Variants in REC114 observed in about 807,000 individuals in gnomAD.
REC114 encodes the protein REC114 meiotic recombination protein.
REC114 carries 27 observed loss-of-function variants against 31.3 expected under a neutral mutation model. The observed-to-expected ratio is 0.86, with a 90% CI of 0.64 to 1.19. The LOEUF (loss-of-function observed/expected upper bound fraction) is 1.19. Ranked by LOEUF, REC114 falls within the 50% of genes most tolerant of loss-of-function variation. The pLI is 0.00. For synonymous variants in REC114, 134 were observed against 127.7 expected (o/e 1.05, Z -0.33); for missense variants, 344 against 326.9 (o/e 1.05, Z -0.40).
intron 2 of REC114, among the ~76,000 whole-genome samples, chr15:73,475,043 C>A (rs754207307): frequency 1.3e-4 from 20 of 152,152 alleles, no homozygotes; most frequent in Non-Finnish European, 2.9e-4. Flanking sequence ...ATGAGTGTTG[C>A]AAATGGTAGA....
Position 73,501,827 on chromosome 15 carries a change from C to G in REC114, c.249+27906C>G, listed in dbSNP as rs556142606. Among the ~76,000 whole-genome samples the G allele has an allele frequency of 3.4e-4, 52 of 152,282 alleles. No individual in the cohort carries two copies. In the South Asian group the frequency reaches 0.011, roughly 31 times the overall value. ...ATGTTTGGTTCTTGAGAATAAATGT[C>G]TCATCAAATAATCAGAACAGATACA... is the stretch of plus-strand genomic sequence containing the variant. On this transcript the variant is annotated intron_variant, in intron 2 of 5. Transcript: ENST00000331090.
At chr15:73,514,288 C>T (rs1461179268) in intron 2 of REC114, among the ~76,000 whole-genome samples, 3 of 151,904 alleles carry the variant, frequency 2.0e-5, no homozygotes, top group Admixed American at 6.5e-5. Context: ...GGCAATGCCG[C>T]GCCCTGCTTC....
intron 1 of REC114, among the ~76,000 whole-genome samples, chr15:73,471,776 GCAAA>G (rs769314236): frequency 7.5e-4 from 114 of 151,964 alleles, no homozygotes; most frequent in East Asian, 1.7e-3. Flanking sequence ...ATACCCATCA[GCAAA>G]CAAACAAACA....
chr15:73,515,666 A>G (rs1361317488), intron 2 of REC114, among the ~76,000 whole-genome samples: 1 of 152,182 alleles, frequency 6.6e-6, no homozygotes, highest in African/African-American at 2.4e-5. Flanking sequence ...CTCTTGGTGC[A>G]TGCACTGAAG....
At chr15:73,474,725 G>A (rs1893186926) in intron 2 of REC114, among the ~76,000 whole-genome samples, 1 of 152,122 alleles carries the variant, frequency 6.6e-6, no homozygotes, top group South Asian at 2.1e-4. Context: ...TTCATTATGG[G>A]ATATCATCAT....
At chr15:73,524,805 G>C (rs1385342005) in intron 2 of REC114, among the ~76,000 whole-genome samples, 2 of 152,098 alleles carry the variant, frequency 1.3e-5, no homozygotes, top group Non-Finnish European at 2.9e-5. Context: ...TGCCATGCTG[G>C]CCAGACTGGT....
intron 2 of REC114, among the ~76,000 whole-genome samples, chr15:73,498,366 T>G (rs368219517): frequency 4.0e-5 from 6 of 151,668 alleles, no homozygotes; most frequent in African/African-American, 7.3e-5. Context: ...AAGGTAGGGG[T>G]GTGTGTGTGT....
chr15:73,553,996 C>G (rs1566950654), intron 4 of REC114, among the ~76,000 whole-genome samples: 1 of 152,062 alleles, frequency 6.6e-6, no homozygotes, highest in African/African-American at 2.4e-5. Flanking sequence ...TAGAAAGTAC[C>G]CAATACAATG....
intron 2 of REC114, among the ~76,000 whole-genome samples, chr15:73,494,491 CAAAAA>C (rs769659178): frequency 2.4e-5 from 2 of 84,160 alleles, no homozygotes; most frequent in African/African-American, 3.9e-5. Context: ...GACCCTGTCT[CAAAAA>C]AAAAAAAAAA....
chr15:73,541,816 T>A (rs575850863), intron 3 of REC114, among the ~76,000 whole-genome samples: 1 of 152,254 alleles, frequency 6.6e-6, no homozygotes, highest in African/African-American at 2.4e-5. Context: ...GATACTTGAG[T>A]TTTAAATTTT....
intron 2 of REC114, among the ~76,000 whole-genome samples, chr15:73,489,721 CTG>C (rs1052354431): frequency 7.9e-5 from 12 of 151,608 alleles, no homozygotes; most frequent in Non-Finnish European, 1.5e-4. Flanking sequence ...AGGGGAGAGT[CTG>C]TGCACTCTTA....
intron 3 of REC114, among the ~76,000 whole-genome samples, chr15:73,547,126 G>A (rs1051873648): frequency 3.3e-5 from 5 of 152,110 alleles, no homozygotes; most frequent in Admixed American, 6.5e-5. Context: ...CAGAAGGGGA[G>A]AAAATATTTG....
At chr15:73,473,674 TGTAAG>T (rs142602354) in intron 1 of REC114, among the ~76,000 whole-genome samples, 153 bp from the exon 2 acceptor site, 7,047 of 152,240 alleles carry the variant, frequency 0.046, 265 homozygotes, top group African/African-American at 0.11. Context: ...AGCTTAAAGT[TGTAAG>T]GGAAGGGTTA....
chr15:73,453,302 A>G (rs1892875824), intron 1 of REC114, among the ~76,000 whole-genome samples: 1 of 152,180 alleles, frequency 6.6e-6, no homozygotes, highest in South Asian at 2.1e-4. Context: ...AGTCAACCCC[A>G]TCAAAAAGTG....
intron 1 of REC114, among the ~76,000 whole-genome samples, chr15:73,468,067 G>A (rs1482501563): frequency 6.6e-6 from 1 of 152,092 alleles, no homozygotes; most frequent in Non-Finnish European, 1.5e-5. Flanking sequence ...ATAATTCAGG[G>A]CTATCCCTCC....
At chr15:73,488,037 C>T (rs1217107638) in intron 2 of REC114, among the ~76,000 whole-genome samples, 2 of 152,148 alleles carry the variant, frequency 1.3e-5, no homozygotes, top group Non-Finnish European at 2.9e-5. Flanking sequence ...CAGAGCTGAA[C>T]TTGGGCCCAC....
At chr15:73,508,433 T>G (rs1310833337) in intron 2 of REC114, among the ~76,000 whole-genome samples, 1 of 151,636 alleles carries the variant, frequency 6.6e-6, no homozygotes, top group East Asian at 1.9e-4. Context: ...CTTTTTTTTT[T>G]TTTCTTTTTT....
intron 2 of REC114, among the ~76,000 whole-genome samples, chr15:73,501,342 T>C (rs557713506): frequency 6.6e-6 from 1 of 152,350 alleles, no homozygotes; most frequent in Non-Finnish European, 1.5e-5. Flanking sequence ...CTTGTCATTC[T>C]TCTTCTATTG....
At chr15:73,518,298 C>CA (rs1225092229) in intron 2 of REC114, among the ~76,000 whole-genome samples, 2 of 152,180 alleles carry the variant, frequency 1.3e-5, no homozygotes, top group African/African-American at 4.8e-5. Flanking sequence ...GAGTGGCCTC[C>CA]AGCACAACTG....
Sources: gnomAD v4.1 joint callset for allele counts (sites outside exome capture counted in the v4.1 genomes callset) on GRCh38, gnomAD v4.1.1 for gene constraint, MANE v1.5 for transcripts, NCBI Gene and HGNC (gene_info 2026-07-23, HGNC 2026-07-21) for gene names.